The following CDON variants were observed in gnomAD, a reference collection of about 807,000 sequenced individuals.
CDON encodes cell adhesion molecule-related/down-regulated by oncogenes.
A neutral mutation model predicts 120.9 loss-of-function variants in CDON; 73 were observed. The observed-to-expected ratio is 0.60, with a 90% CI of 0.50 to 0.73. CDON has a LOEUF of 0.73. CDON is among the 30% of genes least tolerant of loss of function. The pLI, the probability that CDON is intolerant of heterozygous loss-of-function variation, is 0.00. For missense variants in CDON, 1,470 were observed against 1,587.3 expected (o/e 0.93, Z 1.26); for synonymous variants, 566 against 573.5 (o/e 0.99, Z 0.19).
chr11:126,025,099 G>C (rs1235576766), intron 1 of CDON, among the ~76,000 whole-genome samples: 1 of 152,134 alleles, frequency 6.6e-6, no homozygotes, highest in Non-Finnish European at 1.5e-5. Flanking sequence ...CAGCTACTCG[G>C]GAGGCTGAGG....
chr11:125,965,177 C>T (rs189673355), intron 18 of CDON, among the ~76,000 whole-genome samples: 12 of 152,272 alleles, frequency 7.9e-5, no homozygotes, highest in Admixed American at 4.6e-4. Context: ...GCAATCCACC[C>T]GTCTCTGCCT....
chr11:125,985,708 T>C (rs1338630067), intron 15 of CDON, among the ~76,000 whole-genome samples: 1 of 152,058 alleles, frequency 6.6e-6, no homozygotes, highest in Non-Finnish European at 1.5e-5. Flanking sequence ...AACAGACACA[T>C]GAAAAAATGC....
chr11:126,034,000 A>C (rs956369970), intron 1 of CDON, among the ~76,000 whole-genome samples: 3 of 152,158 alleles, frequency 2.0e-5, no homozygotes, highest in Admixed American at 1.3e-4. Flanking sequence ...TCAGACACCA[A>C]GGCCCCCTGC....
chr11:126,047,695 A>T (rs1340396723), intron 1 of CDON, among the ~76,000 whole-genome samples: 1 of 152,164 alleles, frequency 6.6e-6, no homozygotes, highest in East Asian at 1.9e-4. Flanking sequence ...GAGATGGGGA[A>T]ATCAAGGCAC....
chr11:125,973,903 TTTTTC>T (rs1591552821), intron 18 of CDON, among the ~76,000 whole-genome samples: 1 of 152,154 alleles, frequency 6.6e-6, no homozygotes, highest in African/African-American at 2.4e-5. Flanking sequence ...TGTCATTTTT[TTTTTC>T]TTTTGAGACA....
At chr11:126,031,313 G>A (rs1238355585) in intron 1 of CDON, among the ~76,000 whole-genome samples, 1 of 152,198 alleles carries the variant, frequency 6.6e-6, no homozygotes. Context: ...GAATGGCTCA[G>A]ATAGCAACTT....
chr11:125,958,508 C>T lies in CDON; in HGVS notation c.*2434G>A, dbSNP rs1484405259. On this transcript the variant is annotated 3_prime_UTR_variant, in exon 20 of 20. Coordinates refer to ENST00000531738, the MANE Select transcript of CDON (RefSeq NM_001378964.1). Reference sequence around the variant, plus strand: ...GCCTGTGCAGGGCAGAGCCAACTCACGCTTAGGGAGAACTCATACCGCCTA... The same window carrying T: ...GCCTGTGCAGGGCAGAGCCAACTCATGCTTAGGGAGAACTCATACCGCCTA... 3 of 150,886 alleles carry T rather than the reference C, an allele frequency of 2.0e-5. No homozygotes were observed. Among genetic ancestry groups the T allele is most frequent in the South Asian group, 2.1e-4 (1 of 4,764 alleles). 9.3% of individuals were successfully genotyped at this position (150,886 alleles called of 1,614,324 possible). A position where few individuals can be genotyped will look rare whatever the true frequency, so the allele number is the denominator to read the frequency against.
rs549031027 is a variant in CDON, at chr11:126,003,513, G to T, written c.2026+389C>A. 3.1e-4 allele frequency among the ~76,000 whole-genome samples: 47 copies of T among 152,258 alleles called. No homozygotes were observed. In the South Asian group the frequency reaches 6.0e-3, roughly 19 times the overall value. On this transcript the variant is annotated intron_variant, in intron 10 of 19. Coordinates refer to ENST00000531738, the MANE Select transcript of CDON (RefSeq NM_001378964.1). ...GGTCGTTTAGTGAATTTACATATAGGAATTTCTACTATCCAAAAGAATTCT... is the reference window on the plus strand; with the variant it reads ...GGTCGTTTAGTGAATTTACATATAGTAATTTCTACTATCCAAAAGAATTCT...
chr11:125,972,139 A>G (rs1224227978), intron 18 of CDON, among the ~76,000 whole-genome samples: 1 of 152,182 alleles, frequency 6.6e-6, no homozygotes, highest in African/African-American at 2.4e-5. Context: ...TAAAAACTGC[A>G]AAGGGGTCAG....
chr11:125,962,768 G>A (rs1215442130), intron 18 of CDON, among the ~76,000 whole-genome samples: 1 of 152,010 alleles, frequency 6.6e-6, no homozygotes, highest in East Asian at 1.9e-4. Flanking sequence ...TAGTTACTGA[G>A]CTCTTTAGCT....
chr11:126,002,977 G>T (rs2134580257), intron 10 of CDON, among the ~76,000 whole-genome samples: 1 of 152,194 alleles, frequency 6.6e-6, no homozygotes, highest in South Asian at 2.1e-4. Flanking sequence ...TTTCTCTAGG[G>T]AGACACGTGG....
chr11:125,971,410 A>ATAAATAAATAAATAAT (rs1555114733), intron 18 of CDON, among the ~76,000 whole-genome samples: 1 of 150,752 alleles, frequency 6.6e-6, no homozygotes, highest in African/African-American at 2.5e-5. Context: ...AAATAAATAA[A>ATAAATAAATAAATAAT]TAATAATAAT....
At position 126,017,078 on chromosome 11, in the gene CDON, A is replaced by T; in HGVS notation, c.928+10T>A. 1 of 1,611,864 alleles carries T rather than the reference A, an allele frequency of 6.2e-7. No individual in the cohort carries two copies. The highest frequency in any genetic ancestry group is 8.5e-7 in the Non-Finnish European group (1 of 1,178,398). On this transcript the variant is annotated intron_variant, in intron 6 of 19. Transcript: ENST00000531738. The stretch of plus-strand genomic sequence containing the variant: ...CTTCATTTGAAAAAAATTAAAAACT[A>T]ACATCTTACCAAGTACATTAACCAT...
At chr11:126,058,809 G>T (rs1948732941) in intron 1 of CDON, among the ~76,000 whole-genome samples, 1 of 152,180 alleles carries the variant, frequency 6.6e-6, no homozygotes, top group African/African-American at 2.4e-5. Context: ...TTGAGGCAGG[G>T]GAAAAGGGAC....
rs1054757239 is a variant in CDON, at chr11:125,957,862, A to T, written c.*3080T>A. The T allele has an allele frequency of 2.6e-5, 4 of 152,236 alleles. No individual in the cohort carries two copies. The highest frequency in any genetic ancestry group is 4.4e-5 in the Non-Finnish European group (3 of 68,046). 9.4% of individuals were successfully genotyped at this position (152,236 alleles called of 1,614,324 possible). On this transcript the variant is annotated 3_prime_UTR_variant, in exon 20 of 20. Transcript: ENST00000531738. ...CAGACTGTCAGTGCAAAACTGAAAG[A>T]AAAACATTAAAAGGAGATCGTGAAA...
rs187981457 is a variant in CDON, at chr11:126,023,979, A to G, written c.-61-442T>C. On this transcript the variant is annotated intron_variant, in intron 1 of 19. Transcript: ENST00000531738. ...TTTCAGTGCTTTAATACACGAATTT[A>G]ATCTTCACAACAACCCTGTGAGACA... 1.1e-4 allele frequency among the ~76,000 whole-genome samples: 17 copies of G among 152,330 alleles called. No individual in the cohort carries two copies. The East Asian group carries it at 3.3e-3, about 29-fold the overall frequency.
At position 125,983,276 on chromosome 11, in the gene CDON, A is replaced by G. The variant is rs946464686; in HGVS notation, c.2995+596T>C. 3.9e-5 allele frequency among the ~76,000 whole-genome samples: 6 copies of G among 152,324 alleles called. No homozygotes were observed. In the South Asian group the frequency reaches 1.2e-3, roughly 32 times the overall value. On this transcript the variant is annotated intron_variant, in intron 16 of 19. Coordinates refer to ENST00000531738, the MANE Select transcript of CDON (RefSeq NM_001378964.1). ...AGAACTGAAGGAAGAGAAAAGAGAA[A>G]GGGGGTTCTAGGTTACTTCACTGTT...
rs935981654 is a variant in CDON, at chr11:126,015,408, G to A, written c.1031C>T (p.Thr344Ile). The part of the protein sequence containing the change: ...DVHGNPAPNC[T>I]WFHNAQPIHP... ...AATAGGCTGTGCATTGTGAAACCAGGTACAGTTGGGGGCTGGGTTCCCATG... is the reference window on the plus strand; with the variant it reads ...AATAGGCTGTGCATTGTGAAACCAGATACAGTTGGGGGCTGGGTTCCCATG... Residue 344 changes from threonine (T) to isoleucine (I), a missense_variant, in exon 7 of 20, where the codon ACC becomes ATC. Physicochemically the swap from Thr to Ile is moderately conservative, Grantham distance 89. Transcript: ENST00000531738. The A allele has an allele frequency of 1.2e-6, 2 of 1,614,132 alleles. No homozygotes were observed. Among genetic ancestry groups the A allele is most frequent in the South Asian group, 1.1e-5 (1 of 91,076 alleles).
At chr11:126,031,388 TACA>T (rs1319842659) in intron 1 of CDON, among the ~76,000 whole-genome samples, 3 of 152,228 alleles carry the variant, frequency 2.0e-5, no homozygotes, top group Non-Finnish European at 4.4e-5. Flanking sequence ...TTTTATTCAG[TACA>T]ACTTTTCCAA....
Sources: gnomAD v4.1 joint callset for allele counts (sites outside exome capture counted in the v4.1 genomes callset) on GRCh38, gnomAD v4.1.1 for gene constraint, MANE v1.5 for transcripts, NCBI Gene and HGNC (gene_info 2026-07-23, HGNC 2026-07-21) for gene names.